The following GOLGA1 variants were observed in gnomAD, a reference collection of about 807,000 sequenced individuals.
The protein encoded by GOLGA1 is golgin A1.
Under a neutral mutation model 119.7 loss-of-function variants are expected in GOLGA1, and 63 were observed. That is an observed-to-expected ratio of 0.53 (90% confidence interval 0.43 to 0.65). GOLGA1 has a LOEUF of 0.65. GOLGA1 is among the 30% of genes least tolerant of loss of function. The pLI, the probability that GOLGA1 is intolerant of heterozygous loss-of-function variation, is 0.00. For missense variants in GOLGA1, 798 were observed against 912.8 expected (o/e 0.87, Z 1.62); for synonymous variants, 318 against 333.4 (o/e 0.95, Z 0.50).
At chr9:124,892,977 A>T (rs148378873) in intron 15 of GOLGA1, among the ~76,000 whole-genome samples, 1,718 of 152,074 alleles carry the variant, frequency 0.011, 88 homozygotes, top group Admixed American at 0.083. Flanking sequence ...GTAAACATAT[A>T]AGAGTTTTCT....
rs1221265045 is a variant in GOLGA1 at position 124,881,550 on chromosome 9, C to T, written c.2136+234G>A. On this transcript the variant is annotated intron_variant, in intron 21 of 22. Transcript: ENST00000373555. The surrounding 1 kb of genome is among the most constrained non-coding windows in gnomAD (Gnocchi z 4.9). ...CGGCCTCTGGCCTCAGCACCCAGGC[C>T]AGGATTTAGAAGTGGAGCCTATGTC... is the stretch of plus-strand genomic sequence containing the variant. Among the ~76,000 whole-genome samples, 3 of 152,200 alleles carry T rather than the reference C, an allele frequency of 2.0e-5. No homozygotes were observed. The highest frequency in any genetic ancestry group is 7.2e-5 in the African/African-American group (3 of 41,462).
intron 7 of GOLGA1, among the ~76,000 whole-genome samples, chr9:124,925,058 C>T (rs1032099393): frequency 1.3e-5 from 2 of 149,856 alleles, no homozygotes; most frequent in African/African-American, 4.9e-5. Context: ...CCAGCCTGGG[C>T]GACAGAGCAA....
rs2131454216 is a variant in GOLGA1 at position 124,912,034 on chromosome 9, T to C, written c.844-8A>G. 2 of 1,612,472 alleles carry C rather than the reference T, an allele frequency of 1.2e-6. No homozygotes were observed. The highest frequency in any genetic ancestry group is 1.7e-4 in the Middle Eastern group (1 of 6,054). ...TTGAGTTTCAGCAGTGACCTGCAGG[T>C]GAAAGCAGAGATCACTCTATACTAG... On this transcript the variant is annotated splice_polypyrimidine_tract_variant and splice_region_variant and intron_variant, in intron 10 of 22. Transcript: ENST00000373555.
At chr9:124,915,297 C>T (rs1289645465) in intron 10 of GOLGA1, among the ~76,000 whole-genome samples, 1 of 152,190 alleles carries the variant, frequency 6.6e-6, no homozygotes, top group Non-Finnish European at 1.5e-5. Context: ...ACTGTCTAAC[C>T]AAAGGGTAGT....
rs1830572810 is a variant in GOLGA1 at position 124,921,725 on chromosome 9, C to T, written c.729G>A (p.Gln243=). ...GGCCCCACAGACCAAGCAAGAACCT[C>T]TGCTCTTCCAGCGTTGAGTAGTGTC... ...LQRHYSTLEE[Q]RDHVIASKTG... is the part of the protein sequence containing the mutation. Residue 243 remains glutamine (Q), a splice_region_variant and synonymous_variant, in exon 9 of 23, where the codon CAG becomes CAA. Coordinates refer to ENST00000373555, the MANE Select transcript of GOLGA1 (RefSeq NM_002077.4). 5 of 1,612,408 alleles carry T rather than the reference C, an allele frequency of 3.1e-6. No homozygotes were observed. In the Admixed American group the frequency reaches 8.4e-5, roughly 27 times the overall value.
At chr9:124,921,653 A>T (rs1411531149) in intron 9 of GOLGA1, 70 bp downstream of exon 9, 2 of 1,187,186 alleles carry the variant, frequency 1.7e-6, no homozygotes, top group Non-Finnish European at 2.4e-6. Flanking sequence ...ACAATGGGGA[A>T]AGGTGGGCAG....
intron 10 of GOLGA1, among the ~76,000 whole-genome samples, chr9:124,918,758 A>G (rs1830503152): frequency 6.6e-6 from 1 of 152,034 alleles, no homozygotes. Context: ...CCTGTCTCAG[A>G]AAAAAACAAA....
chr9:124,933,074 C>T (rs1030187045), intron 3 of GOLGA1, among the ~76,000 whole-genome samples: 1 of 152,082 alleles, frequency 6.6e-6, no homozygotes, highest in Non-Finnish European at 1.5e-5. Context: ...TAGGAGACAT[C>T]CTATGTCTCA....
chr9:124,887,142 C>T lies in GOLGA1; in HGVS notation c.1905+1111G>A, dbSNP rs181075145. 1.4e-4 allele frequency among the ~76,000 whole-genome samples: 22 copies of T among 152,276 alleles called. No homozygotes were observed. In the East Asian group the frequency reaches 2.9e-3, roughly 20 times the overall value. ...AGTGATCCCGTGACAGACACAGACC[C>T]GACGCTGAACAAGGAGGCAGGAAGG... On this transcript the variant is annotated intron_variant, in intron 19 of 22. Coordinates refer to ENST00000373555, the MANE Select transcript of GOLGA1 (RefSeq NM_002077.4).
intron 19 of GOLGA1, among the ~76,000 whole-genome samples, chr9:124,884,628 A>G (rs1420494120): frequency 2.0e-5 from 3 of 152,198 alleles, no homozygotes; most frequent in Non-Finnish European, 4.4e-5. Context: ...AGAAGACCAC[A>G]GTTTCTAACT....
Position 124,910,060 on chromosome 9 carries a change from G to A in GOLGA1, c.970-1588C>T, listed in dbSNP as rs537513484. 1.1e-4 allele frequency among the ~76,000 whole-genome samples: 17 copies of A among 152,246 alleles called. No homozygotes were observed. In the South Asian group the frequency reaches 3.3e-3, roughly 30 times the overall value. On this transcript the variant is annotated intron_variant, in intron 11 of 22. Coordinates refer to ENST00000373555, the MANE Select transcript of GOLGA1 (RefSeq NM_002077.4). ...TTCTCCTCCCTCAGCCTCCGGAGTA[G>A]CTTGGGACTACAGGCATGTGCCACC...
chr9:124,889,273 T>G lies in GOLGA1; in HGVS notation c.1631A>C (p.Gln544Pro). ...CAGGGCCTCCAGCTCGGCCTGCAGCTGGTGTATCTGCAGCAGGGCAGAGTT... is the reference window on the plus strand; with the variant it reads ...CAGGGCCTCCAGCTCGGCCTGCAGCGGGTGTATCTGCAGCAGGGCAGAGTT... ...GHNSALLQIHQLQAELEALRT... is the reference protein window; with the variant it reads ...GHNSALLQIHPLQAELEALRT... The change falls in exon 18 of 23, where the codon CAG becomes CCG. Residue 544 changes from glutamine (Q) to proline (P), a missense_variant. Transcript: ENST00000373555. 6.2e-7 allele frequency: 1 copy of G among 1,613,902 alleles called. No individual in the cohort carries two copies. Among genetic ancestry groups the G allele is most frequent in the South Asian group, 1.1e-5 (1 of 91,066 alleles).
intron 10 of GOLGA1, among the ~76,000 whole-genome samples, chr9:124,916,877 C>CACACAAAAAAAAAAAAA (rs1359322100): frequency 2.4e-5 from 1 of 41,208 alleles, no homozygotes. Context: ...CCCTGACACA[C>CACACAAAAAAAAAAAAA]AAAAAAAAAA....
chr9:124,899,782 C>T lies in GOLGA1; in HGVS notation c.1162-304G>A, dbSNP rs146045959. Among the ~76,000 whole-genome samples, 11 of 152,314 alleles carry T rather than the reference C, an allele frequency of 7.2e-5. No individual in the cohort carries two copies. In the East Asian group the frequency reaches 2.1e-3, roughly 29 times the overall value. ...CTACTCAGTGTTGCCTCAGTGGCTG[C>T]GGCTTTCCCTGGGGAGAAATTATAC... On this transcript the variant is annotated intron_variant, in intron 13 of 22. Coordinates refer to ENST00000373555, the MANE Select transcript of GOLGA1 (RefSeq NM_002077.4).
At chr9:124,926,046 C>A (rs149983808) in intron 7 of GOLGA1, among the ~76,000 whole-genome samples, 3 of 152,048 alleles carry the variant, frequency 2.0e-5, no homozygotes, top group Admixed American at 6.6e-5. Flanking sequence ...TTAAGTGTTC[C>A]TAATATTACC....
chr9:124,889,537 C>CT lies in GOLGA1; in HGVS notation c.1498-2dup, dbSNP rs772363069. The CT allele has an allele frequency of 6.2e-7, 1 of 1,605,180 alleles. No homozygotes were observed. The highest frequency in any genetic ancestry group is 1.1e-5 in the South Asian group (1 of 90,908). On this transcript the variant is annotated splice_acceptor_variant, in intron 16 of 22. Coordinates refer to ENST00000373555, the MANE Select transcript of GOLGA1 (RefSeq NM_002077.4). LOFTEE classifies it high-confidence loss of function. ...CTATTATGGCTGTCAGGTTAGCTGCCTTGGAGAGAAAAATCAACAAGAGGG... is the reference window on the plus strand; with the variant it reads ...CTATTATGGCTGTCAGGTTAGCTGCCTTTGGAGAGAAAAATCAACAAGAGGG...
At chr9:124,894,204 A>G (rs1408844054) in intron 15 of GOLGA1, among the ~76,000 whole-genome samples, 1 of 151,890 alleles carries the variant, frequency 6.6e-6, no homozygotes, top group Non-Finnish European at 1.5e-5. Flanking sequence ...CTGCTACCCT[A>G]CCTGCGGCTC....
intron 15 of GOLGA1, among the ~76,000 whole-genome samples, chr9:124,897,031 A>T (rs1297958872): frequency 1.3e-5 from 2 of 152,070 alleles, no homozygotes; most frequent in East Asian, 3.8e-4. Flanking sequence ...AGCTGCAGCC[A>T]CACTGGCCTC....
chr9:124,915,644 G>A (rs977262333), intron 10 of GOLGA1, among the ~76,000 whole-genome samples: 4 of 151,956 alleles, frequency 2.6e-5, no homozygotes, highest in Non-Finnish European at 5.9e-5. Flanking sequence ...AAAGCCAGGA[G>A]ATCAAAACCA....
Sources: allele counts gnomAD v4.1 joint callset (sites outside exome capture counted in the v4.1 genomes callset), GRCh38; gene constraint gnomAD v4.1.1; non-coding constraint Gnocchi (gnomAD v3.1); transcripts MANE v1.5; gene names NCBI Gene and HGNC (gene_info 2026-07-23, HGNC 2026-07-21).